C20orf96: variants seen among roughly 807,000 people sequenced by gnomAD.
C20orf96 encodes the protein chromosome 20 open reading frame 96, also known as uncharacterized protein C20orf96.
A neutral mutation model predicts 52.6 loss-of-function variants in C20orf96; 57 were observed. The ratio of observed to expected loss-of-function variants is 1.08; its 90% CI spans 0.88 to 1.35. The LOEUF is 1.35. Ranked by LOEUF, C20orf96 falls within the 40% of genes most tolerant of loss-of-function variation. The probability of loss-of-function intolerance (pLI) is 0.00; values close to 1 mark genes in which losing one functional copy is unlikely to be tolerated. For missense variants in C20orf96, 478 were observed against 443.6 expected, an observed-to-expected ratio of 1.08 and a Z score of -0.70; for synonymous variants, 168 against 157.2, an observed-to-expected ratio of 1.07 and a Z score of -0.51.
chr20:271,210 G>A lies in C20orf96; in HGVS notation c.1089C>T (p.Phe363=). ...GGGCGGCCCATGGCACTGCCATCTA[G>A]AAGGGTAGTGGCTCTTCCACAGGAA... The part of the protein sequence containing the change: ...LNIPVEEPLP[F] Residue 363 remains phenylalanine, a synonymous_variant, in exon 11 of 11, where the codon TTC becomes TTT. Coordinates refer to ENST00000360321, the MANE Select transcript of C20orf96 (RefSeq NM_153269.3). 1 of 1,554,896 alleles carries A rather than the reference G, an allele frequency of 6.4e-7. No homozygotes were observed. Among genetic ancestry groups the A allele is most frequent in the South Asian group, 1.2e-5 (1 of 84,204 alleles).
rs1555771833 is a variant in C20orf96 at position 290,563 on chromosome 20, A to AATTTT, written c.20+27_20+28insAAAAT. On this transcript the variant is annotated intron_variant, in intron 1 of 10. Transcript: ENST00000360321. Reference sequence around the variant, plus strand: ...GCATGCGTATTCCGCCTTTCTTCCAATTTTTTTTTTTTTTTTTTTTTACCT... The same window carrying AATTTT: ...GCATGCGTATTCCGCCTTTCTTCCAAATTTTTTTTTTTTTTTTTTTTTTTTTACCT... The AATTTT allele has an allele frequency of 2.0e-4, 265 of 1,309,556 alleles. 1 individual carries two copies. The African/African-American group carries it at 3.6e-3, about 18-fold the overall frequency. The allele number at this position is 1,309,556 out of a possible 1,614,324, so 81.1% of individuals were successfully genotyped here. A position where few individuals can be genotyped will look rare whatever the true frequency, so the allele number is the denominator to read the frequency against.
At position 275,965 on chromosome 20, in the gene C20orf96, T is replaced by C. The variant is rs756500081; in HGVS notation, c.1031+3A>G. ...AAGAGGCAGTGGCAAAAAGATCACA[T>C]ACTTGGGTCTCCGAAGCAGAACATC... On this transcript the variant is annotated splice_donor_region_variant and intron_variant, in intron 10 of 10. Coordinates refer to ENST00000360321, the MANE Select transcript of C20orf96 (RefSeq NM_153269.3). 1.3e-5 allele frequency: 21 copies of C among 1,613,430 alleles called. No individual in the cohort carries two copies. The highest frequency in any genetic ancestry group is 2.2e-5 in the East Asian group (1 of 44,886).
At position 284,048 on chromosome 20, in the gene C20orf96, C is replaced by A. The variant is rs1464182102; in HGVS notation, c.221G>T (p.Ser74Ile). 5.6e-6 allele frequency: 9 copies of A among 1,614,038 alleles called. No homozygotes were observed. The highest frequency in any genetic ancestry group is 7.6e-6 in the Non-Finnish European group (9 of 1,180,024). Residue 74 changes from serine (S) to isoleucine (I), a missense_variant, in exon 4 of 11, where the codon AGC becomes ATC. Physicochemically the swap from Ser to Ile is moderately radical, Grantham distance 142. Transcript: ENST00000360321. ...FHFKPTTVVT[S>I]CQPKNPRELH... ...TTCTCTTGGATTCTTCGGCTGGCAG[C>A]TTGTCACCACCGTAGTGGGCTTGAA... is the stretch of plus-strand genomic sequence containing the variant.
At position 279,242 on chromosome 20, in the gene C20orf96, G is replaced by C. The variant is rs144826952; in HGVS notation, c.395C>G (p.Thr132Ser). The C allele has an allele frequency of 4.9e-5, 79 of 1,611,116 alleles. No individual in the cohort carries two copies. In the African/African-American group the frequency reaches 9.6e-4, roughly 20 times the overall value. ...CGTGCTGTTCTCCATCTCCTGGATG[G>C]TCTCGATCAGCTCCCGGTTGAGCTT... ...LSKLNRELIE[T>S]IQEMENSTTL... The change falls in exon 5 of 11, where the codon ACC becomes AGC. Residue 132 changes from threonine to serine, a missense_variant. Physicochemically the swap from Thr to Ser is moderately conservative, Grantham distance 58. Coordinates refer to ENST00000360321, the MANE Select transcript of C20orf96 (RefSeq NM_153269.3).
At chr20:280,770 T>C (rs946750416) in intron 4 of C20orf96, among the ~76,000 whole-genome samples, 2 of 152,208 alleles carry the variant, frequency 1.3e-5, no homozygotes, top group Non-Finnish European at 2.9e-5. Context: ...TCTAAGAGAA[T>C]CTGGGCAAGT....
intron 9 of C20orf96, chr20:276,304 T>A: frequency 1.0e-6 from 1 of 985,306 alleles, no homozygotes; most frequent in Non-Finnish European, 1.2e-6. Context: ...AGGTGAGGGA[T>A]CATGGAGAAT....
chr20:290,164 A>C, intron 2 of C20orf96, 95 bp downstream of exon 2: 6 of 960,734 alleles, frequency 6.2e-6, no homozygotes, highest in Non-Finnish European at 7.8e-6. Flanking sequence ...TCTCCAGCCT[A>C]TATCCGCGGA....
chr20:289,114 C>T (rs932701163), intron 3 of C20orf96, among the ~76,000 whole-genome samples: 8 of 152,140 alleles, frequency 5.3e-5, no homozygotes, highest in African/African-American at 1.9e-4. Flanking sequence ...TCCCACCTTC[C>T]CTTGTGGTTA....
At position 287,292 on chromosome 20, in the gene C20orf96, C is replaced by T. The variant is rs571119920; in HGVS notation, c.187+2267G>A. On this transcript the variant is annotated intron_variant, in intron 3 of 10. Transcript: ENST00000360321. ...CATTTTACCTTCCCACCAGCAATTGCGCACAATCTGACGTCTCCTCTTTGC... is the reference window on the plus strand; with the variant it reads ...CATTTTACCTTCCCACCAGCAATTGTGCACAATCTGACGTCTCCTCTTTGC... Among the ~76,000 whole-genome samples the T allele has an allele frequency of 1.1e-4, 17 of 152,326 alleles. No homozygotes were observed. In the East Asian group the frequency reaches 1.5e-3, roughly 14 times the overall value.
intron 3 of C20orf96, among the ~76,000 whole-genome samples, chr20:286,005 A>C (rs2012376206): frequency 6.6e-6 from 1 of 152,260 alleles, no homozygotes; most frequent in Non-Finnish European, 1.5e-5. Context: ...GATGTGGCTT[A>C]AAAGGTTTAG....
intron 4 of C20orf96, among the ~76,000 whole-genome samples, chr20:282,284 TATC>T (rs1424961430): frequency 3.9e-5 from 6 of 152,276 alleles, no homozygotes; most frequent in African/African-American, 1.2e-4. Context: ...CTTTAGCTCT[TATC>T]ATCATTTCAA....
intron 4 of C20orf96, 31 bp from the exon 5 acceptor site, chr20:279,361 C>T (rs374471223): frequency 2.5e-6 from 4 of 1,591,152 alleles, no homozygotes; most frequent in African/African-American, 2.7e-5. Flanking sequence ...AGAGAGGCGG[C>T]GCTGCGCCCT....
chr20:274,795 C>T lies in C20orf96; in HGVS notation c.1031+1173G>A, dbSNP rs144097964. Among the ~76,000 whole-genome samples the T allele has an allele frequency of 6.6e-5, 10 of 151,068 alleles. No homozygotes were observed. The South Asian group carries it at 2.1e-3, about 32-fold the overall frequency. On this transcript the variant is annotated intron_variant, in intron 10 of 10. Transcript: ENST00000360321. ...CCCAGACTTGCTGTCCTAACAGTTGCTTTCTTTTTTCTTTTTTTTTTAATT... is the reference window on the plus strand; with the variant it reads ...CCCAGACTTGCTGTCCTAACAGTTGTTTTCTTTTTTCTTTTTTTTTTAATT...
At chr20:281,499 G>A (rs543514018) in intron 4 of C20orf96, among the ~76,000 whole-genome samples, 22 of 152,150 alleles carry the variant, frequency 1.4e-4, no homozygotes, top group East Asian at 1.2e-3. Context: ...TCATTTCTCC[G>A]TCCTTTACTA....
intron 4 of C20orf96, among the ~76,000 whole-genome samples, chr20:282,058 G>A (rs2012268174): frequency 6.6e-6 from 1 of 152,112 alleles, no homozygotes. Flanking sequence ...TTGCCTCCTA[G>A]CCACTCCACT....
intron 3 of C20orf96, among the ~76,000 whole-genome samples, chr20:285,783 T>C (rs909900289): frequency 2.6e-5 from 4 of 152,182 alleles, no homozygotes; most frequent in African/African-American, 7.2e-5. Flanking sequence ...GGTTTTGCCA[T>C]GTTGGCCAGG....
Position 289,204 on chromosome 20 carries a change from C to CCA in C20orf96, c.187+354_187+355insTG, listed in dbSNP as rs1555771696. Among the ~76,000 whole-genome samples the CCA allele has an allele frequency of 3.3e-3, 502 of 150,588 alleles. 3 individuals carry two copies. The highest frequency in any genetic ancestry group is 0.012 in the African/African-American group (473 of 40,842). On this transcript the variant is annotated intron_variant, in intron 3 of 10. Coordinates refer to ENST00000360321, the MANE Select transcript of C20orf96 (RefSeq NM_153269.3). ...TGTCACTTCAAATCTGGACCCCCCC[C>CCA]AAAAAAAATGCCCACATAATTGTCC...
At position 279,228 on chromosome 20, in the gene C20orf96, C is replaced by G. The variant is rs1211753398; in HGVS notation, c.409G>C (p.Glu137Gln). 1 of 1,610,678 alleles carries G rather than the reference C, an allele frequency of 6.2e-7. No homozygotes were observed. Among genetic ancestry groups the G allele is most frequent in the Non-Finnish European group, 8.5e-7 (1 of 1,179,120 alleles). The part of the protein sequence containing the change: ...RELIETIQEM[E>Q]NSTTLHVRAL... ...CGCACGTGCAGGGTCGTGCTGTTCT[C>G]CATCTCCTGGATGGTCTCGATCAGC... The change falls in exon 5 of 11, where the codon GAG becomes CAG. Residue 137 changes from glutamate to glutamine, a missense_variant. Glu to Gln is a conservative substitution (Grantham distance 29). Coordinates refer to ENST00000360321, the MANE Select transcript of C20orf96 (RefSeq NM_153269.3).
At chr20:279,755 A>C (rs1455585742) in intron 4 of C20orf96, among the ~76,000 whole-genome samples, 2 of 152,096 alleles carry the variant, frequency 1.3e-5, no homozygotes, top group Admixed American at 1.3e-4. Flanking sequence ...GCCGATCACG[A>C]GGTCAAGAGT....
Sources: gnomAD v4.1 joint callset for allele counts (sites outside exome capture counted in the v4.1 genomes callset) on GRCh38, gnomAD v4.1.1 for gene constraint, MANE v1.5 for transcripts, NCBI Gene and HGNC (gene_info 2026-07-23, HGNC 2026-07-21) for gene names.